ZPBP: variants seen among roughly 807,000 people sequenced by gnomAD.
ZPBP encodes the protein zona pellucida binding protein, also known as zona pellucida-binding protein 1.
In ZPBP, 26 loss-of-function variants were observed where a neutral mutation model predicts 44.8. The observed-to-expected ratio is 0.58, with a 90% CI of 0.43 to 0.81. The LOEUF is 0.81. Among genes scored for constraint, ZPBP ranks in the 30% least tolerant of loss-of-function variants. The probability of loss-of-function intolerance (pLI) is 0.00; values close to 1 mark genes in which losing one functional copy is unlikely to be tolerated. For missense variants in ZPBP, 409 were observed against 434.0 expected, an observed-to-expected ratio of 0.94 and a Z score of 0.51; for synonymous variants, 174 against 153.2, an observed-to-expected ratio of 1.14 and a Z score of -1.00.
rs1043751825 is a variant in ZPBP, at chr7:49,940,652, TC to T, written c.962-3031del. 1.8e-4 allele frequency: 99 copies of T among 545,446 alleles called. 1 individual carries two copies. The African/African-American group carries it at 2.2e-3, about 12-fold the overall frequency. The allele number at this position is 545,446 out of a possible 1,614,324, so 33.8% of individuals were successfully genotyped here. A position where few individuals can be genotyped will look rare whatever the true frequency, so the allele number is the denominator to read the frequency against. ...AGGTCTACAGCAATTAAGTTCTGAA[TC>T]CAAAAAAAAAAAAGCTGTGTTTGAA... On this transcript the variant is annotated intron_variant, in intron 7 of 7. Transcript: ENST00000046087.
chr7:50,086,412 C>G (rs1411951436), intron 2 of ZPBP, among the ~76,000 whole-genome samples: 1 of 151,932 alleles, frequency 6.6e-6, no homozygotes. Flanking sequence ...GTTGAACTTA[C>G]TGGATAAATA....
At chr7:50,079,241 C>G (rs1371492465) in intron 3 of ZPBP, among the ~76,000 whole-genome samples, 1 of 151,536 alleles carries the variant, frequency 6.6e-6, no homozygotes, top group Admixed American at 6.6e-5. Context: ...TAAAAGACTT[C>G]AGACATAATG....
intron 7 of ZPBP, among the ~76,000 whole-genome samples, chr7:49,957,200 A>G (rs1795640605): frequency 6.6e-6 from 1 of 152,224 alleles, no homozygotes; most frequent in South Asian, 2.1e-4. Context: ...TCCATGCTCC[A>G]GAACTGTGAG....
At chr7:49,924,441 C>A (rs1018235413) in intron 1 of ZPBP, among the ~76,000 whole-genome samples, 24 of 152,158 alleles carry the variant, frequency 1.6e-4, no homozygotes, top group African/African-American at 5.8e-4. Context: ...GCATTGACAT[C>A]ACATGAATTA....
chr7:49,901,916 G>GCTAACACTGTTTGCTAAAACTGTTAGC (rs1562763009), intron 1 of ZPBP, among the ~76,000 whole-genome samples: 1 of 151,872 alleles, frequency 6.6e-6, no homozygotes, highest in African/African-American at 2.4e-5. Context: ...TGCTAACAGA[G>GCTAACACTGTTTGCTAAAACTGTTAGC]TAAACATAGT....
intron 2 of ZPBP, among the ~76,000 whole-genome samples, chr7:50,087,612 T>C (rs1389699962): frequency 1.3e-5 from 2 of 152,026 alleles, no homozygotes; most frequent in African/African-American, 2.4e-5. Context: ...AAAATATCAA[T>C]TGTGTTTCTT....
intron 2 of ZPBP, among the ~76,000 whole-genome samples, chr7:49,852,329 T>C (rs897402555): frequency 6.6e-6 from 1 of 152,148 alleles, no homozygotes; most frequent in African/African-American, 2.4e-5. Flanking sequence ...GCAGATGACA[T>C]TGCAGGCTCT....
chr7:50,006,011 T>A (rs1319148228), intron 6 of ZPBP, among the ~76,000 whole-genome samples: 2 of 151,288 alleles, frequency 1.3e-5, no homozygotes, highest in African/African-American at 4.9e-5. Context: ...CATACTAATA[T>A]CAGAAAAAAA....
At chr7:49,915,726 C>A (rs1455279217) in intron 1 of ZPBP, 1 of 152,132 alleles carries the variant, frequency 6.6e-6, no homozygotes, top group East Asian at 1.9e-4. Context: ...AAAATATTAA[C>A]AATTTGCTAA....
intron 6 of ZPBP, among the ~76,000 whole-genome samples, chr7:50,002,307 C>T (rs1244052367): frequency 6.6e-6 from 1 of 152,050 alleles, no homozygotes; most frequent in Non-Finnish European, 1.5e-5. Flanking sequence ...GGAAATACCG[C>T]CCCCATGATC....
rs189152145 is a variant in ZPBP, at chr7:49,897,238, A to C, written n.509+3880T>G. 6.6e-5 allele frequency among the ~76,000 whole-genome samples: 10 copies of C among 152,322 alleles called. No homozygotes were observed. In the East Asian group the frequency reaches 1.7e-3, roughly 26 times the overall value. ...AAACTCAAACTCAATAGTAATACCA[A>C]ACATTGAAAGAAGAATTAATTAGTA... is the stretch of plus-strand genomic sequence containing the variant. On this transcript the variant is annotated intron_variant and non_coding_transcript_variant, in intron 2 of 2. Coordinates refer to the ZPBP transcript ENST00000465922.
chr7:50,072,920 G>A (rs1377270362), intron 3 of ZPBP, among the ~76,000 whole-genome samples: 1 of 152,022 alleles, frequency 6.6e-6, no homozygotes, highest in Non-Finnish European at 1.5e-5. Context: ...TTCAAATATC[G>A]GAAAAGCCTT....
chr7:49,995,430 C>T (rs1349000246), intron 6 of ZPBP, among the ~76,000 whole-genome samples: 3 of 152,208 alleles, frequency 2.0e-5, no homozygotes, highest in Non-Finnish European at 4.4e-5. Context: ...TTGTAATCTG[C>T]CCAAGCAATA....
intron 4 of ZPBP, among the ~76,000 whole-genome samples, chr7:50,051,558 C>T (rs1253870652): frequency 1.3e-5 from 2 of 151,928 alleles, no homozygotes; most frequent in Non-Finnish European, 2.9e-5. Flanking sequence ...TGGAATCAAC[C>T]CAAACGCCCA....
At chr7:49,981,695 A>AAAATATAT (rs1201832039) in intron 7 of ZPBP, among the ~76,000 whole-genome samples, 2 of 42,368 alleles carry the variant, frequency 4.7e-5, no homozygotes, top group Non-Finnish European at 6.8e-5. Flanking sequence ...TAATATATAT[A>AAAATATAT]ATTATATATA....
intron 2 of ZPBP, among the ~76,000 whole-genome samples, chr7:49,892,999 C>A (rs1169091705): frequency 6.6e-6 from 1 of 152,066 alleles, no homozygotes; most frequent in African/African-American, 2.4e-5. Context: ...TATTTGACAG[C>A]GGGGACACTT....
At chr7:49,896,078 C>G (rs1389808443) in intron 2 of ZPBP, among the ~76,000 whole-genome samples, 3 of 152,184 alleles carry the variant, frequency 2.0e-5, no homozygotes, top group African/African-American at 7.2e-5. Flanking sequence ...TGGTGGCTCA[C>G]ACCTGTAATA....
rs562185540 is a variant in ZPBP at position 50,036,246 on chromosome 7, C to T, written c.488-4936G>A. 4.6e-5 allele frequency among the ~76,000 whole-genome samples: 7 copies of T among 152,244 alleles called. No homozygotes were observed. The South Asian group carries it at 6.2e-4, about 14-fold the overall frequency. ...TCGGCTCATTGCAACCTCCACCTCC[C>T]GGGTTCAAGCAATTCTCCTGCCTAA... On this transcript the variant is annotated intron_variant, in intron 4 of 7. Coordinates refer to ENST00000046087, the MANE Select transcript of ZPBP (RefSeq NM_007009.3).
chr7:49,898,378 A>G (rs1342498392), intron 2 of ZPBP, among the ~76,000 whole-genome samples: 3 of 151,948 alleles, frequency 2.0e-5, no homozygotes, highest in African/African-American at 7.2e-5. Context: ...TTATTTAGAT[A>G]TGGGTTTCTT....
Sources: gnomAD v4.1 joint callset for allele counts (sites outside exome capture counted in the v4.1 genomes callset) on GRCh38, gnomAD v4.1.1 for gene constraint, MANE v1.5 for transcripts, NCBI Gene and HGNC (gene_info 2026-07-23, HGNC 2026-07-21) for gene names.